Variants in PPAT observed in about 807,000 individuals in gnomAD.
The protein encoded by PPAT is phosphoribosyl pyrophosphate amidotransferase.
A neutral mutation model predicts 60.2 loss-of-function variants in PPAT; 20 were observed. The observed-to-expected ratio is 0.33, with a 90% confidence interval of 0.23 to 0.48. PPAT has a LOEUF of 0.48. PPAT is among the 20% of genes least tolerant of loss of function. PPAT has a pLI of 0.99. For synonymous variants in PPAT, 194 were observed against 215.1 expected (o/e 0.90, Z 0.86); for missense variants, 349 against 629.6 (o/e 0.55, Z 4.77).
At chr4:56,431,043 C>G (rs13146014) in intron 1 of PPAT, among the ~76,000 whole-genome samples, 51,429 of 151,658 alleles carry the variant, frequency 0.34, 9,310 homozygotes, top group Non-Finnish European at 0.41. Flanking sequence ...TATTTTAAAG[C>G]AAGAATCACT....
At chr4:56,401,729 A>G (rs1716117528) in intron 6 of PPAT, among the ~76,000 whole-genome samples, 1 of 152,166 alleles carries the variant, frequency 6.6e-6, no homozygotes, top group African/African-American at 2.4e-5. Flanking sequence ...TTGAATTTTA[A>G]AAGAATAAAG....
intron 1 of PPAT, chr4:56,419,676 G>A: frequency 1.0e-6 from 1 of 984,104 alleles, no homozygotes; most frequent in Non-Finnish European, 1.2e-6. Flanking sequence ...TGTAGCAAAT[G>A]AAGGAGGAAA....
chr4:56,434,560 C>T (rs990718579), intron 1 of PPAT, among the ~76,000 whole-genome samples: 9 of 152,142 alleles, frequency 5.9e-5, no homozygotes, highest in Admixed American at 3.9e-4. Flanking sequence ...AAGGATCTCC[C>T]AATTTTTCAA....
chr4:56,393,375 A>G lies in PPAT; in HGVS notation c.*1977T>C, dbSNP rs1354147730. On this transcript the variant is annotated 3_prime_UTR_variant, in exon 11 of 11. Coordinates refer to ENST00000264220, the MANE Select transcript of PPAT (RefSeq NM_002703.5). ...AGGACACACATATTTAAACATACTT[A>G]TTACACATATTTATCAACAAGGCAT... is the stretch of plus-strand genomic sequence containing the variant. 2 of 151,992 alleles carry G rather than the reference A, an allele frequency of 1.3e-5. No individual in the cohort carries two copies. The highest frequency in any genetic ancestry group is 6.6e-5 in the Admixed American group (1 of 15,246). The allele number at this position is 151,992 out of a possible 1,614,324, so 9.4% of individuals were successfully genotyped here. A position where few individuals can be genotyped will look rare whatever the true frequency, so the allele number is the denominator to read the frequency against.
intron 5 of PPAT, among the ~76,000 whole-genome samples, chr4:56,402,820 CAAAAAAAAAAAAAAAA>C (rs556899549): frequency 2.3e-5 from 1 of 44,026 alleles, no homozygotes; most frequent in Non-Finnish European, 4.2e-5. Context: ...ACTCGGTCTC[CAAAAAAAAAAAAAAAA>C]AAAAAAAAAA....
At chr4:56,422,367 T>C (rs900806219) in intron 1 of PPAT, 1 of 152,238 alleles carries the variant, frequency 6.6e-6, no homozygotes, top group Admixed American at 6.5e-5. Context: ...CAGTCATTGC[T>C]GGAGATGTAG....
At chr4:56,399,057 CT>C in intron 9 of PPAT, 121 bp downstream of exon 9, 4 of 803,252 alleles carry the variant, frequency 5.0e-6, no homozygotes, top group Non-Finnish European at 7.9e-6. Context: ...CTAAACCAAA[CT>C]GATAAAAAAA....
chr4:56,408,502 A>G (rs1716306168), intron 1 of PPAT, among the ~76,000 whole-genome samples: 1 of 150,190 alleles, frequency 6.7e-6, no homozygotes, highest in Non-Finnish European at 1.5e-5. Context: ...GAGCTTTGTT[A>G]AAGATTAACT....
Position 56,395,251 on chromosome 4 carries a change from T to A in PPAT, c.*101A>T. Reference sequence around the variant, plus strand: ...ACTTATAAACATAAGCATGGCATTTTACATTGTACCAACTGAGTAACAGTA... The same window carrying A: ...ACTTATAAACATAAGCATGGCATTTAACATTGTACCAACTGAGTAACAGTA... On this transcript the variant is annotated 3_prime_UTR_variant, in exon 11 of 11. Transcript: ENST00000264220. The A allele has an allele frequency of 9.4e-7, 1 of 1,062,468 alleles. No individual in the cohort carries two copies. The highest frequency in any genetic ancestry group is 1.3e-6 in the Non-Finnish European group (1 of 745,372). The allele number at this position is 1,062,468 out of a possible 1,614,324, so 65.8% of individuals were successfully genotyped here.
chr4:56,417,393 T>G (rs1716813846), intron 1 of PPAT, among the ~76,000 whole-genome samples: 1 of 152,138 alleles, frequency 6.6e-6, no homozygotes, highest in Non-Finnish European at 1.5e-5. Context: ...TTAAAACTCA[T>G]GAACCTGACA....
Position 56,394,975 on chromosome 4 carries a change from T to G in PPAT, c.*377A>C, listed in dbSNP as rs1294933049. 5.4e-6 allele frequency: 1 copy of G among 185,026 alleles called. No individual in the cohort carries two copies. Among genetic ancestry groups the G allele is most frequent in the Non-Finnish European group, 1.1e-5 (1 of 91,250 alleles). 11.5% of individuals were successfully genotyped at this position (185,026 alleles called of 1,614,324 possible). On this transcript the variant is annotated 3_prime_UTR_variant, in exon 11 of 11. Transcript: ENST00000264220. ...AGGTATAATGTATTCTATTCAAACT[T>G]TGTGTGAAATGGTATATTTAACTCA...
chr4:56,431,654 C>T (rs964236895), intron 1 of PPAT: 30 of 290,296 alleles, frequency 1.0e-4, no homozygotes, highest in African/African-American at 6.8e-4. Flanking sequence ...ATGGTTATCT[C>T]CTAATCAAGG....
At chr4:56,418,067 G>C (rs1410345691) in intron 1 of PPAT, among the ~76,000 whole-genome samples, 1 of 152,072 alleles carries the variant, frequency 6.6e-6, no homozygotes, top group Admixed American at 6.5e-5. Context: ...TTGATCTCCT[G>C]ACCTCGTGAT....
intron 1 of PPAT, among the ~76,000 whole-genome samples, chr4:56,417,834 G>GTTTT (rs1560645697): frequency 2.5e-4 from 28 of 111,216 alleles, no homozygotes; most frequent in African/African-American, 9.5e-4. Context: ...TTGAAGATTT[G>GTTTT]GTTTTTTGTT....
rs1176024913 is a variant in PPAT at position 56,403,127 on chromosome 4, C to T, written c.574G>A (p.Asp192Asn). Residue 192 changes from aspartate (D) to asparagine (N), a missense_variant, in exon 5 of 11, where the codon GAT becomes AAT. Coordinates refer to ENST00000264220, the MANE Select transcript of PPAT (RefSeq NM_002703.5). ...TAYSLLIMHR[D>N]VIYAVRDPYG... is the part of the protein sequence containing the mutation. Reference sequence around the variant, plus strand: ...GGATCTCGTACTGCATAAATAACATCTCTGTGCATTATAAGCAGGGAGTAT... The same window carrying T: ...GGATCTCGTACTGCATAAATAACATTTCTGTGCATTATAAGCAGGGAGTAT... 5 of 1,611,932 alleles carry T rather than the reference C, an allele frequency of 3.1e-6. No individual in the cohort carries two copies. The highest frequency in any genetic ancestry group is 4.5e-5 in the East Asian group (2 of 44,866).
At position 56,400,811 on chromosome 4, in the gene PPAT, C is replaced by T. The variant is rs149024503; in HGVS notation, c.987G>A (p.Thr329=). ...TTCCTGCGTAAGCAAGAGCAGCAGG[C>T]GTAGCAGATTCTGGAACAGTGCTAA... is the stretch of plus-strand genomic sequence containing the variant. ...DLVSTVPESA[T]PAALAYAGKC... Residue 329 remains threonine, a synonymous_variant, in exon 8 of 11, where the codon ACG becomes ACA. Transcript: ENST00000264220. 3.6e-3 allele frequency: 5,801 copies of T among 1,613,648 alleles called. 19 individuals carry two copies. The highest frequency in any genetic ancestry group is 4.2e-3 in the Non-Finnish European group (4,956 of 1,179,708).
At chr4:56,418,031 G>C (rs1716858701) in intron 1 of PPAT, among the ~76,000 whole-genome samples, 1 of 152,008 alleles carries the variant, frequency 6.6e-6, no homozygotes. Context: ...TAAATACAGG[G>C]TTTCACCATG....
intron 3 of PPAT, among the ~76,000 whole-genome samples, chr4:56,404,302 C>T (rs1716189487): frequency 6.6e-6 from 1 of 152,174 alleles, no homozygotes; most frequent in Non-Finnish European, 1.5e-5. Context: ...AAAAGTAGTA[C>T]ACTACAGTGA....
intron 1 of PPAT, among the ~76,000 whole-genome samples, chr4:56,427,373 G>A (rs1717343387): frequency 6.6e-6 from 1 of 152,194 alleles, no homozygotes; most frequent in Non-Finnish European, 1.5e-5. Flanking sequence ...ATATGTAGGA[G>A]TGGAATTGCT....
Sources: gnomAD v4.1 joint callset for allele counts (sites outside exome capture counted in the v4.1 genomes callset) on GRCh38, gnomAD v4.1.1 for gene constraint, MANE v1.5 for transcripts, NCBI Gene and HGNC (gene_info 2026-07-23, HGNC 2026-07-21) for gene names.